TAF4B: variants seen among roughly 807,000 people sequenced by gnomAD.
TAF4B encodes the protein transcription initiation factor TFIID subunit 4B.
TAF4B carries 38 observed loss-of-function variants against 86.4 expected under a neutral mutation model. The observed-to-expected ratio is 0.44, with a 90% confidence interval of 0.34 to 0.58. The LOEUF is 0.58. Ranked by LOEUF, TAF4B falls within the 20% of genes least tolerant of loss-of-function variation. TAF4B has a pLI of 0.02. For missense variants in TAF4B, 988 were observed against 1,027.6 expected, an observed-to-expected ratio of 0.96 and a Z score of 0.53; for synonymous variants, 388 against 391.2, an observed-to-expected ratio of 0.99 and a Z score of 0.10.
At chr18:26,382,957 G>C (rs566526660) in intron 14 of TAF4B, among the ~76,000 whole-genome samples, 98 of 152,292 alleles carry the variant, frequency 6.4e-4, no homozygotes, top group Non-Finnish European at 1.1e-3. Flanking sequence ...TATCCTAGCT[G>C]AATCCAAAAG....
intron 6 of TAF4B, among the ~76,000 whole-genome samples, chr18:26,283,624 A>G (rs2056475956): frequency 6.6e-6 from 1 of 152,120 alleles, no homozygotes; most frequent in Non-Finnish European, 1.5e-5. Context: ...TGAAGTCACC[A>G]CCTACATTAG....
At chr18:26,275,097 A>G (rs2056368222) in intron 5 of TAF4B, 44 bp downstream of exon 5, 3 of 1,547,450 alleles carry the variant, frequency 1.9e-6, no homozygotes, top group African/African-American at 1.4e-5. Flanking sequence ...AGGAATCCAT[A>G]TAACATGTTG....
intron 1 of TAF4B, among the ~76,000 whole-genome samples, chr18:26,242,611 A>C (rs1598715406): frequency 6.6e-6 from 1 of 152,140 alleles, no homozygotes; most frequent in African/African-American, 2.4e-5. Context: ...TTATGTGTGA[A>C]TTTGATCCTG....
chr18:26,275,457 G>C (rs145244568), intron 5 of TAF4B, among the ~76,000 whole-genome samples: 248 of 152,246 alleles, frequency 1.6e-3, no homozygotes, highest in East Asian at 8.7e-3. Flanking sequence ...AGCCCGGCCT[G>C]AGATTTATTT....
At chr18:26,229,494 CTTTTTTTT>C (rs34261854) in intron 1 of TAF4B, among the ~76,000 whole-genome samples, 2 of 129,376 alleles carry the variant, frequency 1.5e-5, no homozygotes, top group South Asian at 2.4e-4. Flanking sequence ...TTCTTTCTTT[CTTTTTTTT>C]TTTTTTTTTT....
chr18:26,382,220 A>G lies in TAF4B; in HGVS notation c.2422-7625A>G, dbSNP rs182688550. Among the ~76,000 whole-genome samples the G allele has an allele frequency of 9.4e-3, 1,429 of 152,352 alleles. 10 individuals are homozygous for G. The highest frequency in any genetic ancestry group is 0.015 in the Admixed American group (229 of 15,306). On this transcript the variant is annotated intron_variant, in intron 14 of 14. Coordinates refer to ENST00000269142, the MANE Select transcript of TAF4B (RefSeq NM_005640.3). ...AATAAATTTTAAGAAAATAATAGGT[A>G]AAACCGATCTCTGGACATAGTTTAT...
chr18:26,352,224 C>T (rs1249665609), intron 13 of TAF4B, among the ~76,000 whole-genome samples: 4 of 151,742 alleles, frequency 2.6e-5, no homozygotes, highest in African/African-American at 9.7e-5. Flanking sequence ...AAGATAGAGA[C>T]TCTCAGGATG....
intron 10 of TAF4B, among the ~76,000 whole-genome samples, chr18:26,317,132 C>T (rs1598794542): frequency 6.6e-6 from 1 of 150,814 alleles, no homozygotes; most frequent in East Asian, 2.0e-4. Flanking sequence ...CGGGTTCAAG[C>T]GATTCTCCTG....
intron 14 of TAF4B, among the ~76,000 whole-genome samples, chr18:26,366,694 T>A (rs929964787): frequency 6.6e-6 from 1 of 152,230 alleles, no homozygotes; most frequent in African/African-American, 2.4e-5. Flanking sequence ...TTAAAACAGC[T>A]TTTCCTTGGA....
At chr18:26,313,482 C>A (rs1020780320) in intron 9 of TAF4B, among the ~76,000 whole-genome samples, 1 of 152,048 alleles carries the variant, frequency 6.6e-6, no homozygotes, top group Admixed American at 6.6e-5. Context: ...TCTGAGGATA[C>A]CTTTGTGACG....
chr18:26,271,011 A>T (rs55713819), intron 3 of TAF4B, among the ~76,000 whole-genome samples: 248 of 152,348 alleles, frequency 1.6e-3, no homozygotes, highest in African/African-American at 5.1e-3. Flanking sequence ...GCATATTTTA[A>T]GTTGGGCTAC....
chr18:26,308,977 A>G (rs2056826122), intron 9 of TAF4B, among the ~76,000 whole-genome samples: 1 of 151,836 alleles, frequency 6.6e-6, no homozygotes, highest in Admixed American at 6.6e-5. Context: ...ATAACTAAAT[A>G]TTTCCTAGTA....
chr18:26,309,042 C>T (rs2056826502), intron 9 of TAF4B, among the ~76,000 whole-genome samples: 1 of 151,844 alleles, frequency 6.6e-6, no homozygotes, highest in Non-Finnish European at 1.5e-5. Context: ...AATTTTGGTT[C>T]CTGGAGCTGA....
rs555399630 is a variant in TAF4B at position 26,358,481 on chromosome 18, C to T, written c.2421+687C>T. On this transcript the variant is annotated intron_variant, in intron 14 of 14. Transcript: ENST00000269142. ...ATCCCAGCACTTTGGGAGGCCAAGG[C>T]GGGCGGATCACAAGGTCAGGAGATC... Among the ~76,000 whole-genome samples, 41 of 152,234 alleles carry T rather than the reference C, an allele frequency of 2.7e-4. 1 individual carries two copies. Among genetic ancestry groups the T allele is most frequent in the Admixed American group, 1.4e-3 (22 of 15,288 alleles).
intron 14 of TAF4B, among the ~76,000 whole-genome samples, chr18:26,377,058 A>G (rs2057447656): frequency 6.6e-6 from 1 of 151,910 alleles, no homozygotes; most frequent in African/African-American, 2.4e-5. Flanking sequence ...CACTTTTTAT[A>G]TACTGTTAGT....
chr18:26,246,676 G>C (rs1282535118), intron 1 of TAF4B, among the ~76,000 whole-genome samples: 1 of 150,348 alleles, frequency 6.7e-6, no homozygotes, highest in African/African-American at 2.5e-5. Context: ...TGGGACAACA[G>C]GTGTGTGCCA....
intron 7 of TAF4B, among the ~76,000 whole-genome samples, chr18:26,288,730 G>A (rs2056556986): frequency 6.6e-6 from 1 of 152,136 alleles, no homozygotes. Flanking sequence ...GGTGCTCTTA[G>A]AAAGAACTTC....
Position 26,292,344 on chromosome 18 carries a change from A to G in TAF4B, c.1689A>G (p.Pro563=). 1 of 1,614,202 alleles carries G rather than the reference A, an allele frequency of 6.2e-7. No homozygotes were observed. Among genetic ancestry groups the G allele is most frequent in the South Asian group, 1.1e-5 (1 of 91,082 alleles). ...AGAAATGTGGACAGAAGACGATGCC[A>G]GTGAACACCATAATACCTACTAGTC... ...TIQKCGQKTM[P]VNTIIPTSQF... Residue 563 remains proline, a synonymous_variant, in exon 8 of 15, where the codon CCA becomes CCG. Transcript: ENST00000269142.
At chr18:26,370,612 A>G (rs2057400037) in intron 14 of TAF4B, among the ~76,000 whole-genome samples, 1 of 152,178 alleles carries the variant, frequency 6.6e-6, no homozygotes, top group Non-Finnish European at 1.5e-5. Context: ...AATCAGCCTC[A>G]GGTTCCAGCA....
Sources: allele counts gnomAD v4.1 joint callset (sites outside exome capture counted in the v4.1 genomes callset), GRCh38; gene constraint gnomAD v4.1.1; transcripts MANE v1.5; gene names NCBI Gene and HGNC (gene_info 2026-07-23, HGNC 2026-07-21).